The following IMMP2L variants were observed in gnomAD, a reference collection of about 807,000 sequenced individuals.
The protein encoded by IMMP2L is inner mitochondrial membrane peptidase subunit 2.
In IMMP2L, 18 loss-of-function variants were observed where a neutral mutation model predicts 19.3. The ratio of observed to expected loss-of-function variants is 0.93; its 90% CI spans 0.64 to 1.38. The LOEUF (loss-of-function observed/expected upper bound fraction) is 1.38, where lower values mean the gene tolerates loss of function less well. IMMP2L is among the 40% of genes most tolerant of loss of function. The pLI is 0.00. For synonymous variants in IMMP2L, 76 were observed against 73.0 expected (o/e 1.04, Z -0.21); for missense variants, 233 against 218.2 (o/e 1.07, Z -0.43).
intron 5 of IMMP2L, among the ~76,000 whole-genome samples, chr7:110,815,501 T>C (rs559247838): frequency 2.3e-3 from 354 of 152,160 alleles, no homozygotes; most frequent in African/African-American, 7.5e-3. Flanking sequence ...AGGGAGGATT[T>C]CCTCTTTTTC....
intron 3 of IMMP2L, among the ~76,000 whole-genome samples, chr7:111,230,628 C>A (rs1363246275): frequency 6.6e-6 from 1 of 151,862 alleles, no homozygotes; most frequent in African/African-American, 2.4e-5. Context: ...TTCATTCCAC[C>A]AAATATTTTT....
At chr7:110,784,130 T>C (rs1442290154) in intron 5 of IMMP2L, among the ~76,000 whole-genome samples, 1 of 151,918 alleles carries the variant, frequency 6.6e-6, no homozygotes, top group Non-Finnish European at 1.5e-5. Context: ...AAGAATACAA[T>C]AAGTAATATT....
At chr7:111,191,471 CACAA>C (rs1038068494) in intron 3 of IMMP2L, among the ~76,000 whole-genome samples, 6 of 120,458 alleles carry the variant, frequency 5.0e-5, no homozygotes, top group African/African-American at 1.4e-4. Flanking sequence ...CACACACACA[CACAA>C]AACTTATATG....
chr7:110,971,977 T>A (rs534157540), intron 3 of IMMP2L, among the ~76,000 whole-genome samples: 1 of 152,084 alleles, frequency 6.6e-6, no homozygotes, highest in Non-Finnish European at 1.5e-5. Flanking sequence ...TCCTGGAGAA[T>A]GCTGACAGTG....
intron 5 of IMMP2L, among the ~76,000 whole-genome samples, chr7:110,786,397 C>A (rs943052095): frequency 1.3e-5 from 2 of 151,836 alleles, no homozygotes; most frequent in Non-Finnish European, 2.9e-5. Flanking sequence ...TATCTTTTCA[C>A]GGAGTAAAGA....
chr7:111,270,089 G>A (rs951742479), intron 3 of IMMP2L, among the ~76,000 whole-genome samples: 1 of 151,104 alleles, frequency 6.6e-6, no homozygotes, highest in African/African-American at 2.5e-5. Flanking sequence ...GTGTGTGTGT[G>A]TGTGTGTATC....
chr7:111,096,881 T>C (rs1241628459), intron 3 of IMMP2L: 1 of 151,926 alleles, frequency 6.6e-6, no homozygotes, highest in African/African-American at 2.4e-5. Context: ...ACTACTAAAG[T>C]CAAAATGCCA....
intron 3 of IMMP2L, among the ~76,000 whole-genome samples, chr7:111,260,779 C>T (rs1817235156): frequency 6.6e-6 from 1 of 152,040 alleles, no homozygotes. Flanking sequence ...AAATTACAGA[C>T]ATAAAATTAT....
At chr7:110,966,360 T>C (rs908951912) in intron 3 of IMMP2L, among the ~76,000 whole-genome samples, 5 of 152,030 alleles carry the variant, frequency 3.3e-5, no homozygotes, top group African/African-American at 1.2e-4. Context: ...CAACTATTTG[T>C]GTTATATGAC....
intron 3 of IMMP2L, among the ~76,000 whole-genome samples, chr7:111,479,871 C>T (rs1331262679): frequency 6.6e-6 from 1 of 151,994 alleles, no homozygotes; most frequent in African/African-American, 2.4e-5. Flanking sequence ...ATTTATAAAA[C>T]AGGATGAGCA....
intron 3 of IMMP2L, among the ~76,000 whole-genome samples, chr7:111,062,261 G>T (rs1249570443): frequency 6.6e-6 from 1 of 152,162 alleles, no homozygotes; most frequent in East Asian, 1.9e-4. Flanking sequence ...TGGCAGACAA[G>T]AGAAGGGAGC....
At chr7:110,843,400 G>A (rs1286997210) in intron 5 of IMMP2L, among the ~76,000 whole-genome samples, 1 of 152,014 alleles carries the variant, frequency 6.6e-6, no homozygotes, top group Non-Finnish European at 1.5e-5. Flanking sequence ...GTATGGAGGG[G>A]GCCAGTCAGT....
chr7:111,043,155 T>C (rs1003575434), intron 3 of IMMP2L, among the ~76,000 whole-genome samples: 5 of 152,184 alleles, frequency 3.3e-5, no homozygotes, highest in African/African-American at 1.2e-4. Context: ...CTGTAGTAAG[T>C]CTCAAAGACA....
intron 5 of IMMP2L, among the ~76,000 whole-genome samples, chr7:110,718,612 G>T (rs919732827): frequency 2.0e-5 from 3 of 152,194 alleles, no homozygotes; most frequent in African/African-American, 7.2e-5. Context: ...TAGCCTGGGA[G>T]GAGGTTGGCA....
chr7:110,691,116 T>C (rs561544963), intron 5 of IMMP2L, among the ~76,000 whole-genome samples: 3 of 152,024 alleles, frequency 2.0e-5, no homozygotes, highest in Non-Finnish European at 4.4e-5. Context: ...TGTATAAAAG[T>C]AGATACATAG....
At chr7:110,927,058 G>A (rs1242014204) in intron 4 of IMMP2L, among the ~76,000 whole-genome samples, 2 of 152,062 alleles carry the variant, frequency 1.3e-5, no homozygotes, top group African/African-American at 4.8e-5. Flanking sequence ...ATGTTTGGAG[G>A]TTGGGATATA....
At chr7:110,976,595 A>G (rs73433199) in intron 3 of IMMP2L, among the ~76,000 whole-genome samples, 3,471 of 152,174 alleles carry the variant, frequency 0.023, 120 homozygotes, top group African/African-American at 0.079. Context: ...AAACATGAAA[A>G]TAAATGTGTC....
chr7:111,236,947 T>C (rs923437893), intron 3 of IMMP2L, among the ~76,000 whole-genome samples: 1 of 152,138 alleles, frequency 6.6e-6, no homozygotes, highest in African/African-American at 2.4e-5. Context: ...GGAAGGCAAA[T>C]CATGTTCCTG....
chr7:110,674,366 G>A (rs896584385), intron 5 of IMMP2L, among the ~76,000 whole-genome samples: 2 of 152,144 alleles, frequency 1.3e-5, no homozygotes, highest in South Asian at 2.1e-4. Flanking sequence ...TATGATTTGG[G>A]TGGGGACACA....
Sources: allele counts gnomAD v4.1 joint callset (sites outside exome capture counted in the v4.1 genomes callset), GRCh38; gene constraint gnomAD v4.1.1; transcripts MANE v1.5; gene names NCBI Gene and HGNC (gene_info 2026-07-23, HGNC 2026-07-21).